Variants in CALHM5 observed in about 807,000 individuals in gnomAD.
CALHM5 encodes the protein calcium homeostasis modulator protein 5.
Under a neutral mutation model 20.9 loss-of-function variants are expected in CALHM5, and 17 were observed. That is an observed-to-expected ratio of 0.82 (90% CI 0.56 to 1.22). The LOEUF (loss-of-function observed/expected upper bound fraction) is 1.22, where lower values mean the gene tolerates loss of function less well. CALHM5 is among the 50% of genes most tolerant of loss of function. CALHM5 has a pLI of 0.00. For synonymous variants in CALHM5, 148 were observed against 140.0 expected, an observed-to-expected ratio of 1.06 and a Z score of -0.40; for missense variants, 360 against 364.6, an observed-to-expected ratio of 0.99 and a Z score of 0.10.
At position 116,521,070 on chromosome 6, in the gene CALHM5, A is replaced by G. The variant is rs1772327637; in HGVS notation, c.*5081A>G. 6.6e-6 allele frequency: 1 copy of G among 151,696 alleles called. No individual in the cohort carries two copies. The highest frequency in any genetic ancestry group is 2.4e-5 in the African/African-American group (1 of 41,052). The allele number at this position is 151,696 out of a possible 1,614,324, so 9.4% of individuals were successfully genotyped here. A position where few individuals can be genotyped will look rare whatever the true frequency, so the allele number is the denominator to read the frequency against. On this transcript the variant is annotated 3_prime_UTR_variant, in exon 2 of 2. Transcript: ENST00000368599. ...ACAGTACAACAGTATATATACATAC[A>G]TACATATATATGTGTGTGCATGTGT...
intron 1 of CALHM5, among the ~76,000 whole-genome samples, chr6:116,513,187 G>A (rs1342330155): frequency 6.6e-6 from 1 of 152,060 alleles, no homozygotes; most frequent in Non-Finnish European, 1.5e-5. Flanking sequence ...TTACTTTTTC[G>A]ACAAGGATTT....
At chr6:116,513,015 A>C (rs1407660277) in intron 1 of CALHM5, among the ~76,000 whole-genome samples, 1 of 152,188 alleles carries the variant, frequency 6.6e-6, no homozygotes, top group East Asian at 1.9e-4. Context: ...GCACATGAAC[A>C]CAAATCCAGA....
In CALHM5 at chr6:116,522,202, C is replaced by T. The variant is rs1772358519; in HGVS notation, c.*6213C>T. On this transcript the variant is annotated 3_prime_UTR_variant, in exon 2 of 2. Coordinates refer to ENST00000368599, the MANE Select transcript of CALHM5 (RefSeq NM_153711.5). ...AGAATAAAAGGCCCCAGATCTATGGCCCTAATCAAATCATTGCAGCCATCT... is the reference window on the plus strand; with the variant it reads ...AGAATAAAAGGCCCCAGATCTATGGTCCTAATCAAATCATTGCAGCCATCT... 1 of 152,252 alleles carries T rather than the reference C, an allele frequency of 6.6e-6. No individual in the cohort carries two copies. The highest frequency in any genetic ancestry group is 2.1e-4 in the South Asian group (1 of 4,830). The allele number at this position is 152,252 out of a possible 1,614,324, so 9.4% of individuals were successfully genotyped here. A position where few individuals can be genotyped will look rare whatever the true frequency, so the allele number is the denominator to read the frequency against.
Position 116,512,224 on chromosome 6 carries a change from G to A in CALHM5, c.528G>A (p.Gln176=). The A allele has an allele frequency of 6.3e-7, 1 of 1,597,318 alleles. No individual in the cohort carries two copies. Among genetic ancestry groups the A allele is most frequent in the Non-Finnish European group, 8.5e-7 (1 of 1,175,546 alleles). ...ATGAAGAACTGAAACTCTCCCTTCA[G>A]GCCCAGTCTCAGGTAAGAAAAGACA... is the stretch of plus-strand genomic sequence containing the variant. The part of the protein sequence containing the change: ...TVNEELKLSL[Q]AQSQILGWCL... Residue 176 remains glutamine, a synonymous_variant, in exon 1 of 2, where the codon CAG becomes CAA. Transcript: ENST00000368599.
At position 116,512,217 on chromosome 6, in the gene CALHM5, C is replaced by T; in HGVS notation, c.521C>T (p.Ser174Phe). The change falls in exon 1 of 2, where the codon TCC (serine) becomes TTC (phenylalanine). Residue 174 changes from serine (S) to phenylalanine (F), a missense_variant. Ser to Phe is a radical substitution (Grantham distance 155). Coordinates refer to ENST00000368599, the MANE Select transcript of CALHM5 (RefSeq NM_153711.5). Reference protein sequence around the residue: ...LPTVNEELKLSLQAQSQILGW... With the variant: ...LPTVNEELKLFLQAQSQILGW... The stretch of plus-strand genomic sequence containing the variant: ...ACCGTCAATGAAGAACTGAAACTCT[C>T]CCTTCAGGCCCAGTCTCAGGTAAGA... The T allele has an allele frequency of 6.3e-7, 1 of 1,599,550 alleles. No individual in the cohort carries two copies. The highest frequency in any genetic ancestry group is 8.5e-7 in the Non-Finnish European group (1 of 1,176,690).
At chr6:116,515,196 C>T (rs1280523270) in intron 1 of CALHM5, among the ~76,000 whole-genome samples, 1 of 152,128 alleles carries the variant, frequency 6.6e-6, no homozygotes, top group Non-Finnish European at 1.5e-5. Flanking sequence ...TTTATCAATG[C>T]CTAAAAATGC....
Position 116,517,316 on chromosome 6 carries a change from T to C in CALHM5, c.*1327T>C, listed in dbSNP as rs1772247611. 6.6e-6 allele frequency: 1 copy of C among 152,176 alleles called. No individual in the cohort carries two copies. Among genetic ancestry groups the C allele is most frequent in the Non-Finnish European group, 1.5e-5 (1 of 68,038 alleles). 9.4% of individuals were successfully genotyped at this position (152,176 alleles called of 1,614,324 possible). A position where few individuals can be genotyped will look rare whatever the true frequency, so the allele number is the denominator to read the frequency against. On this transcript the variant is annotated 3_prime_UTR_variant, in exon 2 of 2. Transcript: ENST00000368599. The stretch of plus-strand genomic sequence containing the variant: ...AAGCAGTACTGGCATAAAACTGCAT[T>C]GCAGTCTTACATTTATCAGAAATAA...
chr6:116,512,516 G>C (rs1297077613), intron 1 of CALHM5, among the ~76,000 whole-genome samples: 1 of 152,112 alleles, frequency 6.6e-6, no homozygotes, highest in Non-Finnish European at 1.5e-5. Context: ...CAGTCTCTCT[G>C]GGTCTGTAAA....
At position 116,521,189 on chromosome 6, in the gene CALHM5, T is replaced by C. The variant is rs1772332395; in HGVS notation, c.*5200T>C. The C allele has an allele frequency of 6.6e-6, 1 of 152,038 alleles. No individual in the cohort carries two copies. Among genetic ancestry groups the C allele is most frequent in the Non-Finnish European group, 1.5e-5 (1 of 68,020 alleles). 9.4% of individuals were successfully genotyped at this position (152,038 alleles called of 1,614,324 possible). ...TATATATAACAAAACATGACAAATATATAACAAAATATATGTGCTATATAT... is the reference window on the plus strand; with the variant it reads ...TATATATAACAAAACATGACAAATACATAACAAAATATATGTGCTATATAT... On this transcript the variant is annotated 3_prime_UTR_variant, in exon 2 of 2. Coordinates refer to ENST00000368599, the MANE Select transcript of CALHM5 (RefSeq NM_153711.5).
In CALHM5 at chr6:116,516,393, A is replaced by G. The variant is rs2637677; in HGVS notation, c.*404A>G. The G allele has an allele frequency of 0.28, 42,944 of 154,976 alleles. 7,065 individuals carry two copies. Among genetic ancestry groups the G allele is most frequent in the African/African-American group, 0.46 (19,247 of 41,432 alleles). 9.6% of individuals were successfully genotyped at this position (154,976 alleles called of 1,614,324 possible). A position where few individuals can be genotyped will look rare whatever the true frequency, so the allele number is the denominator to read the frequency against. ...GGTTGCCCTACACAGTGGCTCCTGC[A>G]GTGTGATCAGCAGGAGTCTCTGTCC... On this transcript the variant is annotated 3_prime_UTR_variant, in exon 2 of 2. Coordinates refer to ENST00000368599, the MANE Select transcript of CALHM5 (RefSeq NM_153711.5).
rs1465772533 is a variant in CALHM5 at position 116,521,443 on chromosome 6, A to T, written c.*5454A>T. 6.6e-6 allele frequency: 1 copy of T among 152,098 alleles called. No individual in the cohort carries two copies. Among genetic ancestry groups the T allele is most frequent in the African/African-American group, 2.4e-5 (1 of 41,410 alleles). The allele number at this position is 152,098 out of a possible 1,614,324, so 9.4% of individuals were successfully genotyped here. ...AGTTTTTATTTCCAAGGGCCAATAGATAAGGAGAATATTGGTGACCCAACT... is the reference window on the plus strand; with the variant it reads ...AGTTTTTATTTCCAAGGGCCAATAGTTAAGGAGAATATTGGTGACCCAACT... On this transcript the variant is annotated 3_prime_UTR_variant, in exon 2 of 2. Coordinates refer to ENST00000368599, the MANE Select transcript of CALHM5 (RefSeq NM_153711.5).
At chr6:116,514,032 T>C (rs1772175201) in intron 1 of CALHM5, among the ~76,000 whole-genome samples, 1 of 152,140 alleles carries the variant, frequency 6.6e-6, no homozygotes, top group Non-Finnish European at 1.5e-5. Context: ...AAGCTTCTGG[T>C]ACACAGTATT....
rs1331087794 is a variant in CALHM5 at position 116,520,326 on chromosome 6, T to C, written c.*4337T>C. Reference sequence around the variant, plus strand: ...TTTAGACTTTGGTGGTTCCGAATTCTCTAAGGTAATTATCTTAATTTTCTA... The same window carrying C: ...TTTAGACTTTGGTGGTTCCGAATTCCCTAAGGTAATTATCTTAATTTTCTA... On this transcript the variant is annotated 3_prime_UTR_variant, in exon 2 of 2. Coordinates refer to ENST00000368599, the MANE Select transcript of CALHM5 (RefSeq NM_153711.5). 3 of 152,238 alleles carry C rather than the reference T, an allele frequency of 2.0e-5. No individual in the cohort carries two copies. The highest frequency in any genetic ancestry group is 4.4e-5 in the Non-Finnish European group (3 of 68,044). 9.4% of individuals were successfully genotyped at this position (152,238 alleles called of 1,614,324 possible). A position where few individuals can be genotyped will look rare whatever the true frequency, so the allele number is the denominator to read the frequency against.
chr6:116,513,400 T>A (rs931918964), intron 1 of CALHM5, among the ~76,000 whole-genome samples: 11 of 151,004 alleles, frequency 7.3e-5, no homozygotes, highest in African/African-American at 2.7e-4. Flanking sequence ...AAGAAGGGTA[T>A]AACTTACAAC....
rs138474053 is a variant in CALHM5, at chr6:116,520,138, G to A, written c.*4149G>A. 33 of 152,174 alleles carry A rather than the reference G, an allele frequency of 2.2e-4. No homozygotes were observed. Among genetic ancestry groups the A allele is most frequent in the African/African-American group, 7.0e-4 (29 of 41,516 alleles). The allele number at this position is 152,174 out of a possible 1,614,324, so 9.4% of individuals were successfully genotyped here. A position where few individuals can be genotyped will look rare whatever the true frequency, so the allele number is the denominator to read the frequency against. ...AAATGTATACATTTAATGAGAAAAC[G>A]ATGACATTATTGATTCAAATTAGTT... On this transcript the variant is annotated 3_prime_UTR_variant, in exon 2 of 2. Coordinates refer to ENST00000368599, the MANE Select transcript of CALHM5 (RefSeq NM_153711.5).
At position 116,518,066 on chromosome 6, in the gene CALHM5, C is replaced by T. The variant is rs1039932937; in HGVS notation, c.*2077C>T. 6.6e-6 allele frequency: 1 copy of T among 152,152 alleles called. No homozygotes were observed. Among genetic ancestry groups the T allele is most frequent in the African/African-American group, 2.4e-5 (1 of 41,430 alleles). The allele number at this position is 152,152 out of a possible 1,614,324, so 9.4% of individuals were successfully genotyped here. A position where few individuals can be genotyped will look rare whatever the true frequency, so the allele number is the denominator to read the frequency against. On this transcript the variant is annotated 3_prime_UTR_variant, in exon 2 of 2. Transcript: ENST00000368599. ...CTGAGTTATATTATTTTATAATAGA[C>T]TGATGATAGTAAATAAAGCCCTTTC...
rs2753106 is a variant in CALHM5 at position 116,518,411 on chromosome 6, T to C, written c.*2422T>C. On this transcript the variant is annotated 3_prime_UTR_variant, in exon 2 of 2. Coordinates refer to ENST00000368599, the MANE Select transcript of CALHM5 (RefSeq NM_153711.5). The stretch of plus-strand genomic sequence containing the variant: ...GTGTGAATGTCAATAAAAAAAGGTT[T>C]GTTTTTTCTACGTACAATATCTTTG... 0.036 allele frequency: 5,554 copies of C among 152,394 alleles called. 130 individuals are homozygous for C. Among genetic ancestry groups the C allele is most frequent in the Middle Eastern group, 0.095 (28 of 294 alleles). 9.4% of individuals were successfully genotyped at this position (152,394 alleles called of 1,614,324 possible).
chr6:116,513,853 G>A (rs1772172106), intron 1 of CALHM5, among the ~76,000 whole-genome samples: 1 of 152,150 alleles, frequency 6.6e-6, no homozygotes, highest in South Asian at 2.1e-4. Context: ...CTCAGTCTTG[G>A]AATTGTCTGG....
At position 116,522,435 on chromosome 6, in the gene CALHM5, A is replaced by G. The variant is rs1162579214; in HGVS notation, c.*6446A>G. ...ATAAAAAGACAAAAATTACAGGCAA[A>G]TTGTATTTATACATTTATACATTCT... On this transcript the variant is annotated 3_prime_UTR_variant, in exon 2 of 2. Transcript: ENST00000368599. 1.3e-5 allele frequency: 2 copies of G among 152,186 alleles called. No homozygotes were observed. The highest frequency in any genetic ancestry group is 4.8e-5 in the African/African-American group (2 of 41,456). The allele number at this position is 152,186 out of a possible 1,614,324, so 9.4% of individuals were successfully genotyped here. A position where few individuals can be genotyped will look rare whatever the true frequency, so the allele number is the denominator to read the frequency against.
Sources: allele counts gnomAD v4.1 joint callset (sites outside exome capture counted in the v4.1 genomes callset), GRCh38; gene constraint gnomAD v4.1.1; transcripts MANE v1.5; gene names NCBI Gene and HGNC (gene_info 2026-07-23, HGNC 2026-07-21).